NRK: variants seen among roughly 807,000 people sequenced by gnomAD.
NRK encodes the protein Nik related kinase.
A neutral mutation model predicts 125.2 loss-of-function variants in NRK; 67 were observed. The observed-to-expected ratio is 0.54, with a 90% CI of 0.44 to 0.66. The LOEUF (loss-of-function observed/expected upper bound fraction) is 0.66. Ranked by LOEUF, NRK falls within the 30% of genes least tolerant of loss-of-function variation. NRK has a pLI of 0.00. For synonymous variants in NRK, 458 were observed against 429.0 expected (o/e 1.07, Z -0.84); for missense variants, 1,224 against 1,192.9 (o/e 1.03, Z -0.38).
intron 2 of NRK, among the ~76,000 whole-genome samples, chrX:105,861,924 G>A (rs1009088242): frequency 6.4e-5 from 7 of 110,115 alleles, no homozygotes; most frequent in South Asian, 3.8e-4. Flanking sequence ...TTAGCCGGGC[G>A]TGGTGGCACG....
chrX:105,923,891 CTATATATATA>C (rs1204761152), intron 18 of NRK, among the ~76,000 whole-genome samples: 23 of 47,855 alleles, frequency 4.8e-4, no homozygotes, highest in South Asian at 4.2e-3. Context: ...TGTGATATCA[CTATATATATA>C]TATATATATA....
intron 2 of NRK, among the ~76,000 whole-genome samples, chrX:105,877,786 G>A (rs983062386): frequency 9.0e-6 from 1 of 110,556 alleles, no homozygotes; most frequent in African/African-American, 3.3e-5. Context: ...ATTTTCTGAC[G>A]AAATAACTTC....
At chrX:105,901,033 G>A (rs1224095097) in intron 9 of NRK, among the ~76,000 whole-genome samples, 1 of 110,951 alleles carries the variant, frequency 9.0e-6, no homozygotes. Flanking sequence ...ATTTCCTGGT[G>A]GAATATTTAG....
intron 4 of NRK, among the ~76,000 whole-genome samples, chrX:105,887,801 G>A (rs997133926): frequency 1.8e-5 from 2 of 112,053 alleles, no homozygotes; most frequent in Non-Finnish European, 3.8e-5. Context: ...GGGTGTGTGT[G>A]TGGCAGAATT....
chrX:105,900,328 G>A (rs1189257271), intron 8 of NRK, among the ~76,000 whole-genome samples: 1 of 111,524 alleles, frequency 9.0e-6, no homozygotes, highest in Admixed American at 9.5e-5. Flanking sequence ...TTTATGGCAA[G>A]TTTCTTTTGG....
Position 105,884,799 on chromosome X carries a change from T to TTTTG in NRK, c.252+3040_252+3043dup, listed in dbSNP as rs745435851. Among the ~76,000 whole-genome samples, 24 of 112,090 alleles carry TTTTG rather than the reference T, an allele frequency of 2.1e-4. No individual in the cohort carries two copies. In the South Asian group the frequency reaches 2.6e-3, roughly 12 times the overall value. On this transcript the variant is annotated intron_variant, in intron 4 of 28. Coordinates refer to ENST00000243300, the MANE Select transcript of NRK (RefSeq NM_198465.4). The stretch of plus-strand genomic sequence containing the variant: ...ACCGGAAGTCTTTAATTCAAAAGTT[T>TTTTG]TTTGTTTGTTTGTTTGTTTGTTTTT...
chrX:105,936,307 AAAC>A (rs2040664748), intron 21 of NRK, among the ~76,000 whole-genome samples: 1 of 112,407 alleles, frequency 8.9e-6, no homozygotes, highest in South Asian at 3.7e-4. Flanking sequence ...TTAGTGTGTC[AAAC>A]AACAAGATAG....
At chrX:105,852,720 T>C (rs769862437) in intron 2 of NRK, among the ~76,000 whole-genome samples, 1 of 111,837 alleles carries the variant, frequency 8.9e-6, no homozygotes, top group African/African-American at 3.3e-5. Flanking sequence ...ACCAATGTTT[T>C]CAATTAAGGA....
rs1023012854 is a variant in NRK, at chrX:105,956,195, AG to A, written c.*596del. On this transcript the variant is annotated 3_prime_UTR_variant, in exon 29 of 29. Coordinates refer to ENST00000243300, the MANE Select transcript of NRK (RefSeq NM_198465.4). Reference sequence around the variant, plus strand: ...TCATGCCAATTAAGCCTACAGTTAAAGACCAGTTTTGTTCTTTTCACCCATT... The same window carrying A: ...TCATGCCAATTAAGCCTACAGTTAAAACCAGTTTTGTTCTTTTCACCCATT... 1 of 111,759 alleles carries A rather than the reference AG, an allele frequency of 8.9e-6. No homozygotes were observed. The highest frequency in any genetic ancestry group is 3.3e-5 in the African/African-American group (1 of 30,719). The allele number at this position is 111,759 out of a possible 1,213,427, so 9.2% of individuals were successfully genotyped here.
intron 2 of NRK, among the ~76,000 whole-genome samples, chrX:105,846,084 G>A (rs926558886): frequency 1.8e-5 from 2 of 111,140 alleles, no homozygotes; most frequent in Non-Finnish European, 3.8e-5. Flanking sequence ...GTCACTCTCC[G>A]GTTTTATTAT....
At chrX:105,929,334 T>C (rs1200527107) in intron 19 of NRK, among the ~76,000 whole-genome samples, 1 of 112,013 alleles carries the variant, frequency 8.9e-6, no homozygotes, top group East Asian at 2.8e-4. Flanking sequence ...TCTGTTTACA[T>C]GGAATATCTT....
At chrX:105,942,164 C>A (rs997415888) in intron 23 of NRK, among the ~76,000 whole-genome samples, 2 of 111,803 alleles carry the variant, frequency 1.8e-5, no homozygotes, top group Non-Finnish European at 3.8e-5. Context: ...TATGGATATA[C>A]CACATTTTGT....
intron 2 of NRK, among the ~76,000 whole-genome samples, chrX:105,859,066 A>G (rs1465537500): frequency 9.0e-6 from 1 of 111,627 alleles, no homozygotes; most frequent in Non-Finnish European, 1.9e-5. Flanking sequence ...AAAAGAGTAA[A>G]GATTGCCTTC....
intron 2 of NRK, among the ~76,000 whole-genome samples, chrX:105,874,714 G>A (rs747944427): frequency 1.8e-5 from 2 of 111,565 alleles, no homozygotes; most frequent in East Asian, 5.7e-4. Context: ...TATTCTTTTC[G>A]TAGGACAGAT....
At chrX:105,918,572 A>G (rs1389797315) in intron 16 of NRK, among the ~76,000 whole-genome samples, 1 of 111,589 alleles carries the variant, frequency 9.0e-6, no homozygotes, top group East Asian at 2.8e-4. Flanking sequence ...CACAAATACT[A>G]TGTTGTGAAA....
intron 5 of NRK, among the ~76,000 whole-genome samples, chrX:105,889,453 A>G (rs767960535): frequency 1.7e-4 from 19 of 111,546 alleles, no homozygotes; most frequent in Non-Finnish European, 3.4e-4. Flanking sequence ...GTTCTGGAGG[A>G]CAGTGGCCCT....
Position 105,956,809 on chromosome X carries a change from T to A in NRK, c.*1209T>A, listed in dbSNP as rs1176175909. 8.9e-6 allele frequency: 1 copy of A among 111,945 alleles called. No homozygotes were observed. Among genetic ancestry groups the A allele is most frequent in the Non-Finnish European group, 1.9e-5 (1 of 53,077 alleles). 9.2% of individuals were successfully genotyped at this position (111,945 alleles called of 1,213,427 possible). The stretch of plus-strand genomic sequence containing the variant: ...TGTTATAGACGCCATAGACAGGTGA[T>A]GTTTGGTCACCTATGGTAACTGCTA... On this transcript the variant is annotated 3_prime_UTR_variant, in exon 29 of 29. Transcript: ENST00000243300.
At chrX:105,837,275 A>ATG (rs2039278447) in intron 2 of NRK, among the ~76,000 whole-genome samples, 1 of 111,801 alleles carries the variant, frequency 8.9e-6, no homozygotes, top group East Asian at 2.8e-4. Flanking sequence ...TATTATATAT[A>ATG]TGTGTGTATT....
chrX:105,921,753 GA>G (rs1371796066), intron 16 of NRK, among the ~76,000 whole-genome samples: 4 of 107,596 alleles, frequency 3.7e-5, no homozygotes, highest in African/African-American at 1.4e-4. Flanking sequence ...ACAGATGGAA[GA>G]AAACTTGAAC....
Sources: gnomAD v4.1 joint callset for allele counts (sites outside exome capture counted in the v4.1 genomes callset) on GRCh38, gnomAD v4.1.1 for gene constraint, MANE v1.5 for transcripts, NCBI Gene and HGNC (gene_info 2026-07-23, HGNC 2026-07-21) for gene names.